TENM2: variants seen among roughly 807,000 people sequenced by gnomAD.
The protein encoded by TENM2 is teneurin transmembrane protein 2.
A neutral mutation model predicts 245.2 loss-of-function variants in TENM2; 52 were observed. The ratio of observed to expected loss-of-function variants is 0.21; its 90% CI spans 0.17 to 0.27. The LOEUF is 0.27. Ranked by LOEUF, TENM2 falls within the 10% of genes least tolerant of loss-of-function variation. The pLI, the probability that TENM2 is intolerant of heterozygous loss-of-function variation, is 1.00. For synonymous variants in TENM2, 1,363 were observed against 1,438.9 expected, an observed-to-expected ratio of 0.95 and a Z score of 1.19; for missense variants, 3,046 against 3,666.8, an observed-to-expected ratio of 0.83 and a Z score of 4.37.
chr5:168,138,710 C>T (rs1755275857), intron 12 of TENM2, among the ~76,000 whole-genome samples: 1 of 152,234 alleles, frequency 6.6e-6, no homozygotes, highest in Non-Finnish European at 1.5e-5. Context: ...GTGTTCTAAA[C>T]ATCAATAAGA....
At chr5:167,956,916 T>TC (rs1780605397) in intron 4 of TENM2, among the ~76,000 whole-genome samples, 2 of 152,208 alleles carry the variant, frequency 1.3e-5, no homozygotes, top group African/African-American at 4.8e-5. Flanking sequence ...TCAGCAGGGA[T>TC]ATTGGCCTGA....
chr5:167,143,346 T>C, the TENM2 span, among the ~76,000 whole-genome samples: 1 of 152,314 alleles, frequency 6.6e-6, no homozygotes, highest in African/African-American at 2.4e-5. Context: ...AATTCACAAT[T>C]AGCAGTAGTG....
In TENM2 at chr5:167,344,284, A is replaced by G. The variant is rs933831932; in HGVS notation, c.227-30914A>G. Among the ~76,000 whole-genome samples, 366 of 48,508 alleles carry G rather than the reference A, an allele frequency of 7.5e-3. 2 individuals carry two copies. Among genetic ancestry groups the G allele is most frequent in the African/African-American group, 0.013 (279 of 20,676 alleles). 31.8% of individuals were successfully genotyped at this position (48,508 alleles called of 152,430 possible). A position where few individuals can be genotyped will look rare whatever the true frequency, so the allele number is the denominator to read the frequency against. ...TACACAAACACATGCACGTGCACGCACACACACACACACACACACACACAC... is the reference window on the plus strand; with the variant it reads ...TACACAAACACATGCACGTGCACGCGCACACACACACACACACACACACAC... On this transcript the variant is annotated intron_variant, in intron 1 of 28. Coordinates refer to ENST00000518659, the Ensembl canonical transcript of TENM2.
At chr5:168,260,761 T>C (rs1862299) in intron 28 of TENM2, among the ~76,000 whole-genome samples, 144,976 of 152,294 alleles carry the variant, frequency 0.95, 69,069 homozygotes, top group East Asian at 1. Context: ...TTTTATGGGA[T>C]GTCATAAAAC....
rs10710566 is a variant in TENM2 at position 167,446,699 on chromosome 5, TGG to T, written c.502+71235_502+71236del. ...TATGGAGTAAACCTATCAACTTTTT[TGG>T]GGGGGGGGATTTGTACCCATGTGAT... On this transcript the variant is annotated intron_variant, in intron 2 of 28. Coordinates refer to ENST00000518659, the Ensembl canonical transcript of TENM2. Among the ~76,000 whole-genome samples, 157 of 150,690 alleles carry T rather than the reference TGG, an allele frequency of 1.0e-3. 1 individual carries two copies. The East Asian group carries it at 0.016, about 16-fold the overall frequency.
At chr5:167,327,903 G>C (rs913060581) in intron 1 of TENM2, among the ~76,000 whole-genome samples, 2 of 152,136 alleles carry the variant, frequency 1.3e-5, no homozygotes, top group Non-Finnish European at 1.5e-5. Flanking sequence ...TTGACTCTGC[G>C]GGGATAAGAG....
At chr5:167,069,525 A>G in the TENM2 span, among the ~76,000 whole-genome samples, 2 of 152,210 alleles carry the variant, frequency 1.3e-5, no homozygotes, top group Non-Finnish European at 2.9e-5. Flanking sequence ...GATTGAATCA[A>G]AAGGGGACCC....
chr5:167,143,895 T>G, the TENM2 span, among the ~76,000 whole-genome samples: 1 of 152,128 alleles, frequency 6.6e-6, no homozygotes, highest in Admixed American at 6.6e-5. Flanking sequence ...TGACTGGCAC[T>G]TTTACCAACC....
intron 2 of TENM2, among the ~76,000 whole-genome samples, chr5:167,821,469 G>A (rs948250326): frequency 5.0e-4 from 76 of 152,232 alleles, no homozygotes; most frequent in South Asian, 1.2e-3. Context: ...TGTGTGACTT[G>A]TCCTTTTGGG....
chr5:167,760,108 A>G (rs1181645913), intron 2 of TENM2, among the ~76,000 whole-genome samples: 2 of 152,126 alleles, frequency 1.3e-5, no homozygotes, highest in Non-Finnish European at 2.9e-5. Context: ...TGACTTATTT[A>G]AGTGGAATGC....
At chr5:167,989,941 T>TAGATAGA (rs1290731359) in intron 4 of TENM2, among the ~76,000 whole-genome samples, 2 of 152,158 alleles carry the variant, frequency 1.3e-5, no homozygotes, top group Non-Finnish European at 2.9e-5. Context: ...AGTCATGAGC[T>TAGATAGA]AGATAGAAAT....
At chr5:167,407,807 ACT>A (rs758620800) in intron 2 of TENM2, among the ~76,000 whole-genome samples, 1 of 152,056 alleles carries the variant, frequency 6.6e-6, no homozygotes, top group African/African-American at 2.4e-5. Flanking sequence ...GCAGACTGAG[ACT>A]CTGTCTCAAC....
chr5:167,434,277 T>C (rs1020970827), intron 2 of TENM2, among the ~76,000 whole-genome samples: 1 of 151,460 alleles, frequency 6.6e-6, no homozygotes, highest in Non-Finnish European at 1.5e-5. Flanking sequence ...AAAAATTAGC[T>C]GGATATGGTG....
At chr5:167,755,167 T>C in intron 2 of TENM2, 2 of 1,598,990 alleles carry the variant, frequency 1.3e-6, no homozygotes, top group Admixed American at 1.7e-5. Context: ...GTTTTCTCCA[T>C]GGGAAGGTTG....
intron 2 of TENM2, among the ~76,000 whole-genome samples, chr5:167,379,576 C>T (rs2127326499): frequency 6.6e-6 from 1 of 152,056 alleles, no homozygotes; most frequent in East Asian, 1.9e-4. Context: ...TTTCTACTCC[C>T]ACTCTATTAC....
chr5:167,962,043 TG>T (rs1781052128), intron 4 of TENM2, among the ~76,000 whole-genome samples: 1 of 152,218 alleles, frequency 6.6e-6, no homozygotes, highest in Non-Finnish European at 1.5e-5. Context: ...AATAACTTTT[TG>T]TAATAAAGTG....
At chr5:167,762,948 CT>C (rs1014513659) in intron 2 of TENM2, among the ~76,000 whole-genome samples, 2 of 152,308 alleles carry the variant, frequency 1.3e-5, no homozygotes, top group South Asian at 2.1e-4. Context: ...AACTGTCAGA[CT>C]TTTTTTCCCA....
At chr5:167,964,700 A>G (rs1181590928) in intron 4 of TENM2, among the ~76,000 whole-genome samples, 2 of 152,180 alleles carry the variant, frequency 1.3e-5, no homozygotes, top group Non-Finnish European at 2.9e-5. Flanking sequence ...AAGGATGAGT[A>G]GGGGTTAATC....
chr5:168,140,124 G>A (rs1451811389), intron 12 of TENM2, among the ~76,000 whole-genome samples: 2 of 152,136 alleles, frequency 1.3e-5, no homozygotes, highest in Admixed American at 1.3e-4. Flanking sequence ...TTGGTAACTG[G>A]TTTAAGCTGG....
Sources: gnomAD v4.1 joint callset for allele counts (sites outside exome capture counted in the v4.1 genomes callset) on GRCh38, gnomAD v4.1.1 for gene constraint, MANE v1.5 for transcripts, NCBI Gene and HGNC (gene_info 2026-07-23, HGNC 2026-07-21) for gene names.